The following ANKRD36B variants were observed in gnomAD, a reference collection of about 807,000 sequenced individuals.
The protein encoded by ANKRD36B is ankyrin repeat domain-containing protein 36B.
Under a neutral mutation model 135.7 loss-of-function variants are expected in ANKRD36B, and 37 were observed. The observed-to-expected ratio is 0.27, with a 90% confidence interval of 0.21 to 0.36. ANKRD36B has a LOEUF of 0.36. Ranked by LOEUF, ANKRD36B falls within the 10% of genes least tolerant of loss-of-function variation. The probability of loss-of-function intolerance (pLI) is 1.00; values close to 1 mark genes in which losing one functional copy is unlikely to be tolerated. For missense variants in ANKRD36B, 549 were observed against 1,037.1 expected (o/e 0.53, Z 6.46); for synonymous variants, 179 against 348.1 (o/e 0.51, Z 5.41).
At chr2:97,509,087 C>T (rs2077445515) in intron 40 of ANKRD36B, among the ~76,000 whole-genome samples, 1 of 66,236 alleles carries the variant, frequency 1.5e-5, no homozygotes, top group South Asian at 2.3e-4. Flanking sequence ...AACAAGTTAA[C>T]CTGAAATCTA....
At chr2:97,589,245 C>G (rs2083242637) in intron 1 of ANKRD36B, among the ~76,000 whole-genome samples, 1 of 109,114 alleles carries the variant, frequency 9.2e-6, no homozygotes, top group African/African-American at 3.7e-5. Context: ...GCCCCTACCC[C>G]CCAAGCCTTC....
intron 6 of ANKRD36B, 63 bp downstream of exon 6, chr2:97,576,316 C>T (rs180841170): frequency 5.8e-6 from 3 of 513,610 alleles, no homozygotes; most frequent in African/African-American, 4.0e-5. Context: ...GTAATCAAAA[C>T]ATCTTTATTC....
chr2:97,569,052 C>G (rs2922589), intron 6 of ANKRD36B, among the ~76,000 whole-genome samples: 4 of 152,088 alleles, frequency 2.6e-5, no homozygotes, highest in Non-Finnish European at 4.4e-5. Context: ...AAAGTACAAC[C>G]TCTTGAGATT....
chr2:97,539,523 C>T (rs1360757642), intron 30 of ANKRD36B, among the ~76,000 whole-genome samples: 1 of 96,226 alleles, frequency 1.0e-5, no homozygotes, highest in East Asian at 2.3e-4. Flanking sequence ...GAAGAAACAA[C>T]AAAATTACCT....
At chr2:97,513,978 TTTGA>T in intron 37 of ANKRD36B, among the ~76,000 whole-genome samples, 1 of 126,420 alleles carries the variant, frequency 7.9e-6, no homozygotes, top group Admixed American at 7.1e-5. Context: ...CTTACATGTA[TTTGA>T]TTGCTGTCTC....
At chr2:97,585,532 A>G (rs1315432221) in intron 1 of ANKRD36B, 134 bp from the exon 2 acceptor site, 1 of 1,312,616 alleles carries the variant, frequency 7.6e-7, no homozygotes. Flanking sequence ...ATTACTCACC[A>G]CATTAATGAA....
Position 97,544,302 on chromosome 2 carries a change from C to T in ANKRD36B, c.1682-317G>A, listed in dbSNP as rs1364163466. On this transcript the variant is annotated intron_variant, in intron 24 of 43. Coordinates refer to ENST00000359901, the MANE Select transcript of ANKRD36B (RefSeq NM_001393939.1). ...ATGTGATCTAAAATCAGAGGAGCAA[C>T]TCATACAATTGAGAATCAATGTCAA... Among the ~76,000 whole-genome samples the T allele has an allele frequency of 2.2e-5, 2 of 89,148 alleles. 1 individual carries two copies. Among genetic ancestry groups the T allele is most frequent in the East Asian group, 4.9e-4 (2 of 4,114 alleles). 58.5% of individuals were successfully genotyped at this position (89,148 alleles called of 152,430 possible).
intron 43 of ANKRD36B, among the ~76,000 whole-genome samples, chr2:97,506,604 C>G (rs1192197483): frequency 2.3e-5 from 2 of 88,472 alleles, no homozygotes; most frequent in African/African-American, 5.2e-5. Context: ...TAAAATGTCA[C>G]TGGTCAAGTG....
At chr2:97,560,531 C>T in intron 8 of ANKRD36B, 134 bp downstream of exon 8, 1 of 1,351,848 alleles carries the variant, frequency 7.4e-7, no homozygotes, top group African/African-American at 1.5e-5. Context: ...TGAGAACTCA[C>T]TACAAATGAA....
chr2:97,562,006 T>C (rs2081068533), intron 6 of ANKRD36B, among the ~76,000 whole-genome samples: 1 of 151,946 alleles, frequency 6.6e-6, no homozygotes, highest in African/African-American at 2.4e-5. Context: ...GTGAGTTCAC[T>C]TAATCTAAGA....
At chr2:97,566,803 C>T (rs963524351) in intron 6 of ANKRD36B, among the ~76,000 whole-genome samples, 8 of 152,034 alleles carry the variant, frequency 5.3e-5, no homozygotes, top group East Asian at 1.9e-4. Flanking sequence ...TCTCTCACAC[C>T]GCAACAACAA....
At chr2:97,546,194 A>G (rs2079446038) in intron 22 of ANKRD36B, among the ~76,000 whole-genome samples, 1 of 151,752 alleles carries the variant, frequency 6.6e-6, no homozygotes, top group African/African-American at 2.4e-5. Context: ...ACACGTGAGA[A>G]TCAATGTCAA....
chr2:97,588,352 T>C (rs1269765415), intron 1 of ANKRD36B, among the ~76,000 whole-genome samples: 1 of 151,952 alleles, frequency 6.6e-6, no homozygotes, highest in Admixed American at 6.5e-5. Context: ...CGCCATTACT[T>C]GTAATTGCGG....
At chr2:97,565,225 T>C (rs562839607) in intron 6 of ANKRD36B, among the ~76,000 whole-genome samples, 1 of 152,274 alleles carries the variant, frequency 6.6e-6, no homozygotes, top group African/African-American at 2.4e-5. Context: ...CCTGAGACTA[T>C]GAGGAAGTTG....
At chr2:97,563,996 T>TAC (rs1311988961) in intron 6 of ANKRD36B, among the ~76,000 whole-genome samples, 1 of 151,516 alleles carries the variant, frequency 6.6e-6, no homozygotes, top group Non-Finnish European at 1.5e-5. Flanking sequence ...AGATCTGAAA[T>TAC]ATATATCACT....
At chr2:97,556,823 G>T in intron 12 of ANKRD36B, 114 bp downstream of exon 12, 1 of 1,470,372 alleles carries the variant, frequency 6.8e-7, no homozygotes, top group Non-Finnish European at 9.2e-7. Context: ...CACAATCTCA[G>T]GCCTGCTGAA....
chr2:97,575,667 TG>T (rs1288811097), intron 6 of ANKRD36B, among the ~76,000 whole-genome samples: 6 of 149,246 alleles, frequency 4.0e-5, no homozygotes, highest in Non-Finnish European at 9.0e-5. Flanking sequence ...CAACTATTAT[TG>T]TTTTTTTATA....
intron 6 of ANKRD36B, among the ~76,000 whole-genome samples, chr2:97,566,240 A>G (rs1162862379): frequency 6.6e-6 from 1 of 152,010 alleles, no homozygotes; most frequent in Non-Finnish European, 1.5e-5. Context: ...AGAATCGCTC[A>G]AACTCAGGAG....
intron 22 of ANKRD36B, chr2:97,547,218 T>A (rs2079551214): frequency 3.4e-6 from 1 of 292,502 alleles, no homozygotes; most frequent in African/African-American, 2.2e-5. Flanking sequence ...TTCCTCTCTT[T>A]CTCCTTCCAC....
Sources: gnomAD v4.1 joint callset for allele counts (sites outside exome capture counted in the v4.1 genomes callset) on GRCh38, gnomAD v4.1.1 for gene constraint, MANE v1.5 for transcripts, NCBI Gene and HGNC (gene_info 2026-07-23, HGNC 2026-07-21) for gene names.